KCNN2: variants seen among roughly 807,000 people sequenced by gnomAD.
KCNN2 encodes the protein small conductance calcium-activated potassium channel protein 2.
KCNN2 carries 24 observed loss-of-function variants against 55.5 expected under a neutral mutation model. The observed-to-expected ratio is 0.43, with a 90% confidence interval of 0.31 to 0.61. KCNN2 has a LOEUF of 0.61. KCNN2 is among the 20% of genes least tolerant of loss of function. The pLI is 0.08. For missense variants in KCNN2, 754 were observed against 853.6 expected (o/e 0.88, Z 1.45); for synonymous variants, 431 against 336.1 (o/e 1.28, Z -3.09).
chr5:114,325,691 A>C (rs1219794296), intron 2 of KCNN2, among the ~76,000 whole-genome samples: 1 of 152,214 alleles, frequency 6.6e-6, no homozygotes, highest in Non-Finnish European at 1.5e-5. Flanking sequence ...ATACACCAAC[A>C]TAGTCACCAT....
At chr5:114,312,424 CACACACACACATATATATATATATAT>C (rs1335391714) in intron 2 of KCNN2, among the ~76,000 whole-genome samples, 14 of 60,228 alleles carry the variant, frequency 2.3e-4, no homozygotes, top group South Asian at 7.4e-4. Context: ...CACACACACA[CACACACACACATATATATATATATAT>C]ATATATATAT....
intron 1 of KCNN2, among the ~76,000 whole-genome samples, chr5:114,102,178 G>A (rs1580514576): frequency 6.6e-6 from 1 of 152,254 alleles, no homozygotes; most frequent in South Asian, 2.1e-4. Flanking sequence ...TTTCTCTAAT[G>A]AACAGTGATG....
chr5:114,222,081 C>T (rs148420244), intron 2 of KCNN2, among the ~76,000 whole-genome samples: 1 of 152,232 alleles, frequency 6.6e-6, no homozygotes, highest in Non-Finnish European at 1.5e-5. Context: ...TACTTATATG[C>T]CTCATTGTCT....
intron 2 of KCNN2, among the ~76,000 whole-genome samples, chr5:114,285,640 A>T (rs1020476515): frequency 6.6e-6 from 1 of 152,174 alleles, no homozygotes; most frequent in African/African-American, 2.4e-5. Flanking sequence ...ATTGCAGATT[A>T]TATGAATAAT....
chr5:114,155,316 C>G (rs1752608182), intron 1 of KCNN2, among the ~76,000 whole-genome samples: 1 of 152,120 alleles, frequency 6.6e-6, no homozygotes, highest in South Asian at 2.1e-4. Context: ...GATTCTGTGT[C>G]ATTGGTATTG....
intron 3 of KCNN2, among the ~76,000 whole-genome samples, chr5:114,462,189 G>A (rs1761234445): frequency 6.6e-6 from 1 of 152,114 alleles, no homozygotes; most frequent in Non-Finnish European, 1.5e-5. Flanking sequence ...TAAAACCAGT[G>A]TCCACATCAC....
At chr5:114,472,353 A>G (rs544701955) in intron 4 of KCNN2, among the ~76,000 whole-genome samples, 110 of 152,332 alleles carry the variant, frequency 7.2e-4, no homozygotes, top group African/African-American at 2.5e-3. Flanking sequence ...GATCAGAACA[A>G]TGGTCTGTAA....
intron 1 of KCNN2, among the ~76,000 whole-genome samples, chr5:114,171,542 C>A (rs993245467): frequency 1.3e-4 from 19 of 151,932 alleles, no homozygotes; most frequent in African/African-American, 3.4e-4. Context: ...AACACAGACC[C>A]ACAGTATATG....
intron 1 of KCNN2, among the ~76,000 whole-genome samples, chr5:114,128,284 T>G (rs533399211): frequency 6.6e-6 from 1 of 152,258 alleles, no homozygotes; most frequent in African/African-American, 2.4e-5. Context: ...CTCAGGAAAT[T>G]TACAATCTTG....
rs138128141 is a variant in KCNN2 at position 114,148,878 on chromosome 5, A to G, written c.-270-72602A>G. Among the ~76,000 whole-genome samples the G allele has an allele frequency of 2.5e-3, 388 of 152,176 alleles. 5 individuals are homozygous for G. The highest frequency in any genetic ancestry group is 9.0e-3 in the African/African-American group (374 of 41,548). ...CTCGAGGTACAGGGAGCGGCTCACC[A>G]TCCGTGTTAACTTGTGGCAGTTGAA... On this transcript the variant is annotated intron_variant, in intron 1 of 10. Coordinates refer to the KCNN2 transcript ENST00000512097.
At chr5:114,067,338 G>T (rs1750472224) in intron 1 of KCNN2, among the ~76,000 whole-genome samples, 1 of 152,144 alleles carries the variant, frequency 6.6e-6, no homozygotes, top group South Asian at 2.1e-4. Flanking sequence ...GCAGATTTCT[G>T]GTCTCACCCC....
At chr5:114,136,373 C>G (rs1027166768) in intron 1 of KCNN2, among the ~76,000 whole-genome samples, 2 of 152,164 alleles carry the variant, frequency 1.3e-5, no homozygotes, top group Non-Finnish European at 2.9e-5. Flanking sequence ...ACACAGAGGG[C>G]TTTGCCAGAT....
chr5:114,414,845 G>T (rs545197636), intron 3 of KCNN2, among the ~76,000 whole-genome samples: 1 of 152,148 alleles, frequency 6.6e-6, no homozygotes, highest in Non-Finnish European at 1.5e-5. Flanking sequence ...TTTACGCACC[G>T]TAAACTCCAT....
At chr5:114,153,437 A>G (rs1427083568) in intron 1 of KCNN2, among the ~76,000 whole-genome samples, 7 of 152,162 alleles carry the variant, frequency 4.6e-5, no homozygotes, top group Middle Eastern at 3.2e-3. Context: ...TACCCTACTT[A>G]TAAGCATATG....
At chr5:114,368,839 T>A (rs985273676) in intron 2 of KCNN2, among the ~76,000 whole-genome samples, 1 of 147,166 alleles carries the variant, frequency 6.8e-6, no homozygotes, top group Non-Finnish European at 1.5e-5. Flanking sequence ...ATCTTGGAGG[T>A]TTATCCTCAG....
intron 1 of KCNN2, among the ~76,000 whole-genome samples, chr5:114,065,855 T>G (rs1750436576): frequency 3.8e-4 from 2 of 5,252 alleles, no homozygotes; most frequent in Admixed American, 2.6e-3. Flanking sequence ...GGTTTTTTTT[T>G]TTTTTTTTTT....
At chr5:114,487,211 G>C (rs1373127049) in intron 6 of KCNN2, 34 bp downstream of exon 6, 2 of 1,601,606 alleles carry the variant, frequency 1.2e-6, no homozygotes, top group African/African-American at 1.3e-5. Context: ...TCCTGTTGTT[G>C]TGTCCTTGGC....
At chr5:114,366,001 A>AT (rs771401894) in intron 2 of KCNN2, among the ~76,000 whole-genome samples, 96 of 152,310 alleles carry the variant, frequency 6.3e-4, no homozygotes, top group Non-Finnish European at 1.1e-3. Flanking sequence ...TTATTGGGAG[A>AT]TTTTTTGAAG....
intron 1 of KCNN2, among the ~76,000 whole-genome samples, chr5:114,201,122 C>T (rs542294050): frequency 6.6e-6 from 1 of 151,980 alleles, no homozygotes; most frequent in East Asian, 1.9e-4. Context: ...GAGCAATGCA[C>T]TGGGACCCAA....
Sources: gnomAD v4.1 joint callset for allele counts (sites outside exome capture counted in the v4.1 genomes callset) on GRCh38, gnomAD v4.1.1 for gene constraint, MANE v1.5 for transcripts, NCBI Gene and HGNC (gene_info 2026-07-23, HGNC 2026-07-21) for gene names.